Variants in DYNC1I1 observed in about 807,000 individuals in gnomAD.
DYNC1I1 encodes cytoplasmic dynein 1 intermediate chain 1.
Under a neutral mutation model 86.6 loss-of-function variants are expected in DYNC1I1, and 43 were observed. The ratio of observed to expected loss-of-function variants is 0.50; its 90% CI spans 0.39 to 0.64. The LOEUF is 0.64. DYNC1I1 is among the 30% of genes least tolerant of loss of function. The pLI is 0.00. For synonymous variants in DYNC1I1, 262 were observed against 283.7 expected, an observed-to-expected ratio of 0.92 and a Z score of 0.77; for missense variants, 604 against 788.8, an observed-to-expected ratio of 0.77 and a Z score of 2.81.
At chr7:95,955,174 A>G (rs1584196479) in intron 6 of DYNC1I1, among the ~76,000 whole-genome samples, 1 of 152,310 alleles carries the variant, frequency 6.6e-6, no homozygotes, top group East Asian at 1.9e-4. Context: ...GGTGATGGAT[A>G]TGTGAATTAG....
At chr7:96,084,503 A>G (rs1790621322) in intron 16 of DYNC1I1, among the ~76,000 whole-genome samples, 2 of 141,690 alleles carry the variant, frequency 1.4e-5, no homozygotes, top group South Asian at 4.3e-4. Context: ...GCAATGGCAC[A>G]CTTCTGCCTC....
At chr7:95,832,892 G>A (rs559812697) in intron 5 of DYNC1I1, among the ~76,000 whole-genome samples, 5 of 152,106 alleles carry the variant, frequency 3.3e-5, no homozygotes, top group African/African-American at 4.8e-5. Context: ...TGAGTGGGTC[G>A]TGAAAATTTT....
At chr7:95,851,545 C>T (rs888879999) in intron 5 of DYNC1I1, among the ~76,000 whole-genome samples, 3 of 152,020 alleles carry the variant, frequency 2.0e-5, no homozygotes, top group Non-Finnish European at 4.4e-5. Flanking sequence ...ACTATCTTTG[C>T]ATCTCTGGGA....
intron 6 of DYNC1I1, among the ~76,000 whole-genome samples, chr7:95,883,059 C>A (rs577564948): frequency 4.9e-4 from 75 of 152,254 alleles, no homozygotes; most frequent in Middle Eastern, 3.4e-3. Context: ...TGTATTTTTA[C>A]TCAAATTACT....
At chr7:95,868,035 T>C (rs1790059314) in intron 5 of DYNC1I1, among the ~76,000 whole-genome samples, 1 of 152,230 alleles carries the variant, frequency 6.6e-6, no homozygotes, top group South Asian at 2.1e-4. Context: ...TTGTTTCTGA[T>C]ATATGGTATG....
At chr7:95,963,753 G>T (rs200427092) in intron 6 of DYNC1I1, among the ~76,000 whole-genome samples, 1 of 152,156 alleles carries the variant, frequency 6.6e-6, no homozygotes, top group African/African-American at 2.4e-5. Context: ...TTATTCTCTA[G>T]AGATTCAGAT....
At chr7:95,994,695 T>G (rs1043622423) in intron 9 of DYNC1I1, among the ~76,000 whole-genome samples, 5 of 152,122 alleles carry the variant, frequency 3.3e-5, no homozygotes, top group African/African-American at 1.2e-4. Context: ...GCATTTTGCC[T>G]TGAAAGTAAT....
Position 95,987,240 on chromosome 7 carries a change from C to T in DYNC1I1, c.843+85C>T, listed in dbSNP as rs1041303470. 2.3e-5 allele frequency: 27 copies of T among 1,194,660 alleles called. No homozygotes were observed. The African/African-American group carries it at 2.9e-4, about 13-fold the overall frequency. The allele number at this position is 1,194,660 out of a possible 1,614,324, so 74.0% of individuals were successfully genotyped here. Reference sequence around the variant, plus strand: ...AAAAATAAGAGATTTGTTTACTTGCCTACGATTTCCTCTCTATGCCTGTTG... The same window carrying T: ...AAAAATAAGAGATTTGTTTACTTGCTTACGATTTCCTCTCTATGCCTGTTG... On this transcript the variant is annotated intron_variant, in intron 9 of 16. Transcript: ENST00000447467.
intron 6 of DYNC1I1, among the ~76,000 whole-genome samples, chr7:95,953,196 T>C (rs1792605699): frequency 6.6e-6 from 1 of 151,164 alleles, no homozygotes; most frequent in Non-Finnish European, 1.5e-5. Context: ...CATATTTTCA[T>C]AATCTCTAAG....
intron 12 of DYNC1I1, among the ~76,000 whole-genome samples, chr7:96,034,066 G>A (rs1562979402): frequency 6.6e-6 from 1 of 151,794 alleles, no homozygotes; most frequent in Non-Finnish European, 1.5e-5. Flanking sequence ...CACACAAAAG[G>A]AAATATGGAA....
At chr7:96,091,555 A>C (rs1306630495) in intron 16 of DYNC1I1, among the ~76,000 whole-genome samples, 1 of 152,216 alleles carries the variant, frequency 6.6e-6, no homozygotes, top group African/African-American at 2.4e-5. Context: ...TAATTATGCA[A>C]GATTTTAAAA....
In DYNC1I1 at chr7:95,941,475, G is replaced by T. The variant is rs534591049; in HGVS notation, c.491-36037G>T. ...CCACCCAGTTCGAGCTTCCCGGGCT[G>T]CTTTGTTTACCTAAGCAAGCCTGGG... On this transcript the variant is annotated intron_variant, in intron 6 of 16. Transcript: ENST00000447467. 7.1e-3 allele frequency among the ~76,000 whole-genome samples: 1,079 copies of T among 152,292 alleles called. 10 individuals carry two copies. Among genetic ancestry groups the T allele is most frequent in the African/African-American group, 0.025 (1,029 of 41,544 alleles).
At chr7:95,808,860 CAT>C (rs1247568765) in intron 2 of DYNC1I1, among the ~76,000 whole-genome samples, 2 of 152,124 alleles carry the variant, frequency 1.3e-5, no homozygotes, top group African/African-American at 4.8e-5. Flanking sequence ...ATCATTAAAA[CAT>C]AGTAGGATTC....
chr7:96,083,382 C>T (rs1031020945), intron 16 of DYNC1I1, among the ~76,000 whole-genome samples: 4 of 151,268 alleles, frequency 2.6e-5, no homozygotes, highest in African/African-American at 4.9e-5. Context: ...CTGAAGACCT[C>T]GTCTGTAGAG....
chr7:96,059,315 A>G (rs1055686291), intron 14 of DYNC1I1, among the ~76,000 whole-genome samples: 2 of 145,402 alleles, frequency 1.4e-5, no homozygotes, highest in African/African-American at 2.8e-5. Context: ...GTGAAATCGA[A>G]AAAAAAAAAT....
intron 6 of DYNC1I1, among the ~76,000 whole-genome samples, chr7:95,902,325 A>G (rs1472794314): frequency 6.6e-6 from 1 of 152,280 alleles, no homozygotes; most frequent in East Asian, 1.9e-4. Flanking sequence ...GGATCCATTT[A>G]GTTGCCTCCA....
intron 6 of DYNC1I1, among the ~76,000 whole-genome samples, chr7:95,874,730 T>C (rs1790263181): frequency 6.6e-6 from 1 of 152,212 alleles, no homozygotes; most frequent in Admixed American, 6.5e-5. Context: ...AGAAGGCAGC[T>C]GTCTGCGAGC....
chr7:95,865,121 C>A (rs2633933), intron 5 of DYNC1I1, among the ~76,000 whole-genome samples: 3 of 152,052 alleles, frequency 2.0e-5, no homozygotes, highest in Non-Finnish European at 4.4e-5. Flanking sequence ...TGGGGTCAGG[C>A]ACCACACTTT....
At chr7:95,944,256 C>T (rs1170763257) in intron 6 of DYNC1I1, among the ~76,000 whole-genome samples, 2 of 152,222 alleles carry the variant, frequency 1.3e-5, no homozygotes, top group African/African-American at 4.8e-5. Context: ...TTTATGCAGC[C>T]AAAAGACACA....
Sources: gnomAD v4.1 joint callset for allele counts (sites outside exome capture counted in the v4.1 genomes callset) on GRCh38, gnomAD v4.1.1 for gene constraint, MANE v1.5 for transcripts, NCBI Gene and HGNC (gene_info 2026-07-23, HGNC 2026-07-21) for gene names.